The following UGT1A4 variants were observed in gnomAD, a reference collection of about 807,000 sequenced individuals.
The protein encoded by UGT1A4 is UDP glucuronosyltransferase family 1 member A4.
UGT1A4 carries 32 observed loss-of-function variants against 41.1 expected under a neutral mutation model. The ratio of observed to expected loss-of-function variants is 0.78; its 90% CI spans 0.59 to 1.05. The LOEUF (loss-of-function observed/expected upper bound fraction) is 1.05, where lower values mean the gene tolerates loss of function less well. Among genes scored for constraint, UGT1A4 ranks in the 50% least tolerant of loss-of-function variants. The pLI is 0.00. For synonymous variants in UGT1A4, 283 were observed against 265.1 expected, an observed-to-expected ratio of 1.07 and a Z score of -0.66; for missense variants, 748 against 677.4, an observed-to-expected ratio of 1.10 and a Z score of -1.16.
In UGT1A4 at chr2:233,772,305, C is replaced by T. The variant is rs201427749; in HGVS notation, c.1351C>T (p.Arg451Cys). Reference protein sequence around the residue: ...IMRLSSLHKDRPVEPLDLAVF... With the variant: ...IMRLSSLHKDCPVEPLDLAVF... Reference sequence around the variant, plus strand: ...GCGCCTCTCCAGCCTTCACAAGGACCGCCCGGTGGAGCCGCTGGACCTGGC... The same window carrying T: ...GCGCCTCTCCAGCCTTCACAAGGACTGCCCGGTGGAGCCGCTGGACCTGGC... Residue 451 changes from arginine to cysteine, a missense_variant, in exon 5 of 5, where the codon CGC (arginine) becomes TGC (cysteine). Physicochemically the swap from Arg to Cys is radical, Grantham distance 180. Transcript: ENST00000373409. 2.9e-5 allele frequency: 47 copies of T among 1,614,194 alleles called. No individual in the cohort carries two copies. Among genetic ancestry groups the T allele is most frequent in the Middle Eastern group, 1.6e-4 (1 of 6,062 alleles).
Position 233,718,929 on chromosome 2 carries a change from G to C in UGT1A4, c.109G>C (p.Asp37His). 6.2e-7 allele frequency: 1 copy of C among 1,614,160 alleles called. No individual in the cohort carries two copies. The highest frequency in any genetic ancestry group is 8.5e-7 in the Non-Finnish European group (1 of 1,180,008). ...TGGAAAGGTGTTGGTGGTGCCCACT[G>C]ATGGCAGCCCCTGGCTCAGCATGCG... ...ESGKVLVVPTDGSPWLSMREA... is the reference protein window; with the variant it reads ...ESGKVLVVPTHGSPWLSMREA... Residue 37 changes from aspartate (D) to histidine (H), a missense_variant, in exon 1 of 5, where the codon GAT becomes CAT. By Grantham distance (81) the Asp-to-His change is moderately conservative (BLOSUM62 -1). Coordinates refer to ENST00000373409, the MANE Select transcript of UGT1A4 (RefSeq NM_007120.3).
At chr2:233,750,638 T>A (rs1330204251) in intron 1 of UGT1A4, 1 of 150,162 alleles carries the variant, frequency 6.7e-6, no homozygotes, top group Non-Finnish European at 1.5e-5. Context: ...CCCCCTGCTG[T>A]GTGCAGCCTC....
At position 233,772,892 on chromosome 2, in the gene UGT1A4, T is replaced by A; in HGVS notation, c.*333T>A. On this transcript the variant is annotated 3_prime_UTR_variant, in exon 5 of 5. Coordinates refer to ENST00000373409, the MANE Select transcript of UGT1A4 (RefSeq NM_007120.3). The stretch of plus-strand genomic sequence containing the variant: ...TTGGGAGTGCGGGATTCAAAGGTGG[T>A]CCCACGGCTGCCCCTACTGCAAATG... 1 of 501,562 alleles carries A rather than the reference T, an allele frequency of 2.0e-6. No homozygotes were observed. Among genetic ancestry groups the A allele is most frequent in the Non-Finnish European group, 3.2e-6 (1 of 310,918 alleles). 31.1% of individuals were successfully genotyped at this position (501,562 alleles called of 1,614,324 possible).
At chr2:233,747,752 A>C in intron 1 of UGT1A4, 1 of 1,613,466 alleles carries the variant, frequency 6.2e-7, no homozygotes, top group Non-Finnish European at 8.5e-7. Context: ...CATGTGATTT[A>C]GACTTTAAGG....
chr2:233,748,792 C>G (rs1168235446), intron 1 of UGT1A4, among the ~76,000 whole-genome samples: 1 of 151,266 alleles, frequency 6.6e-6, no homozygotes, highest in Non-Finnish European at 1.5e-5. Context: ...ACTTGGAATG[C>G]TGAAATTATC....
At chr2:233,760,414 AT>A in intron 1 of UGT1A4, 1 of 1,614,212 alleles carries the variant, frequency 6.2e-7, no homozygotes, top group Non-Finnish European at 8.5e-7. Flanking sequence ...CTGGCTGAGC[AT>A]GCTTGGGGCC....
chr2:233,727,755 T>C (rs79983684), intron 1 of UGT1A4, among the ~76,000 whole-genome samples: 5,633 of 152,308 alleles, frequency 0.037, 134 homozygotes, highest in Non-Finnish European at 0.057. Context: ...TGTGCTGCCC[T>C]TGAGCTGGGT....
At chr2:233,725,001 G>A (rs1276972399) in intron 1 of UGT1A4, among the ~76,000 whole-genome samples, 4 of 134,004 alleles carry the variant, frequency 3.0e-5, no homozygotes, top group Non-Finnish European at 6.0e-5. Context: ...GCTGGAGACC[G>A]GCCCGGCCAA....
intron 1 of UGT1A4, chr2:233,761,045 T>A (rs1315871466): frequency 1.9e-6 from 3 of 1,614,220 alleles, no homozygotes; most frequent in Non-Finnish European, 1.7e-6. Flanking sequence ...TCTGCATCTG[T>A]CTGGCTGTTT....
rs72551343 is a variant in UGT1A4, at chr2:233,760,912, C to T, written c.868-6122C>T. 1.4e-5 allele frequency: 23 copies of T among 1,614,070 alleles called. 1 individual carries two copies. In the South Asian group the frequency reaches 1.5e-4, roughly 11 times the overall value. On this transcript the variant is annotated intron_variant, in intron 1 of 4. Transcript: ENST00000373409. ...TTCAGATCACATGACCTTCCTGCAGCGGGTGAAGAACATGCTCATTGCCTT... is the reference window on the plus strand; with the variant it reads ...TTCAGATCACATGACCTTCCTGCAGTGGGTGAAGAACATGCTCATTGCCTT...
rs899895461 is a variant in UGT1A4, at chr2:233,719,006, C to G, written c.186C>G (p.Thr62=). The G allele has an allele frequency of 1.3e-5, 21 of 1,614,078 alleles. No individual in the cohort carries two copies. The highest frequency in any genetic ancestry group is 1.7e-5 in the Non-Finnish European group (20 of 1,180,034). ...HARGHQAVVL[T]PEVNMHIKEE... ...GAGGCCACCAGGCGGTGGTCCTCAC[C>G]CCAGAGGTGAATATGCACATCAAAG... Residue 62 remains threonine, a synonymous_variant, in exon 1 of 5, where the codon ACC becomes ACG. Coordinates refer to ENST00000373409, the MANE Select transcript of UGT1A4 (RefSeq NM_007120.3).
intron 1 of UGT1A4, among the ~76,000 whole-genome samples, chr2:233,728,414 C>T (rs186918599): frequency 6.6e-6 from 1 of 152,192 alleles, no homozygotes; most frequent in African/African-American, 2.4e-5. Context: ...CTTTAGATAG[C>T]AGCACCTCTT....
chr2:233,737,661 T>A (rs1326139467), intron 1 of UGT1A4, among the ~76,000 whole-genome samples: 2 of 152,214 alleles, frequency 1.3e-5, no homozygotes, highest in Non-Finnish European at 2.9e-5. Context: ...GAGCTGCAGA[T>A]CGGAGCTGTT....
chr2:233,767,204 A>G, intron 2 of UGT1A4, 39 bp downstream of exon 2: 1 of 1,613,356 alleles, frequency 6.2e-7, no homozygotes, highest in Non-Finnish European at 8.5e-7. Flanking sequence ...ATCTATTTTC[A>G]CAGGAGCGCT....
At chr2:233,729,677 G>A (rs2077906321) in intron 1 of UGT1A4, 6 of 1,613,888 alleles carry the variant, frequency 3.7e-6, no homozygotes, top group Middle Eastern at 1.7e-4. Context: ...GACTTTAAGG[G>A]CACACAGTGT....
rs762748984 is a variant in UGT1A4 at position 233,755,099 on chromosome 2, C to T, written c.868-11935C>T. On this transcript the variant is annotated intron_variant, in intron 1 of 4. Transcript: ENST00000373409. ...CATAGATATCGCGTTTCTACGCGTCCGACAACACCTCGTAGGCCTCAGCCA... is the reference window on the plus strand; with the variant it reads ...CATAGATATCGCGTTTCTACGCGTCTGACAACACCTCGTAGGCCTCAGCCA... The T allele has an allele frequency of 6.0e-6, 8 of 1,334,956 alleles. 1 individual carries two copies. In the South Asian group the frequency reaches 8.0e-5, roughly 13 times the overall value. The allele number at this position is 1,334,956 out of a possible 1,614,324, so 82.7% of individuals were successfully genotyped here.
At chr2:233,765,205 T>G (rs540441075) in intron 1 of UGT1A4, among the ~76,000 whole-genome samples, 9 of 152,292 alleles carry the variant, frequency 5.9e-5, no homozygotes, top group African/African-American at 2.2e-4. Flanking sequence ...ATTAGTGCCC[T>G]CAGTATTCTT....
At chr2:233,723,999 A>C (rs2077152052) in intron 1 of UGT1A4, among the ~76,000 whole-genome samples, 1 of 70,856 alleles carries the variant, frequency 1.4e-5, no homozygotes, top group Non-Finnish European at 2.6e-5. Context: ...TTTCTATTCC[A>C]CAAAGCCGCC....
chr2:233,729,416 C>G, intron 1 of UGT1A4: 1 of 1,613,628 alleles, frequency 6.2e-7, no homozygotes, highest in Non-Finnish European at 8.5e-7. Flanking sequence ...CTGGGCCACA[C>G]TCAACTGTAC....
Sources: allele counts gnomAD v4.1 joint callset (sites outside exome capture counted in the v4.1 genomes callset), GRCh38; gene constraint gnomAD v4.1.1; transcripts MANE v1.5; gene names NCBI Gene and HGNC (gene_info 2026-07-23, HGNC 2026-07-21).